Variants in MYO3B observed in about 807,000 individuals in gnomAD.
The protein encoded by MYO3B is myosin IIIB, also known as myosin-IIIb.
Under a neutral mutation model 174.6 loss-of-function variants are expected in MYO3B, and 156 were observed. That is an observed-to-expected ratio of 0.89 (90% CI 0.78 to 1.02). MYO3B has a LOEUF of 1.02. Among genes scored for constraint, MYO3B ranks in the 50% least tolerant of loss-of-function variants. MYO3B has a pLI of 0.00. For synonymous variants in MYO3B, 563 were observed against 569.1 expected (o/e 0.99, Z 0.15); for missense variants, 1,632 against 1,639.4 (o/e 1.00, Z 0.08).
intron 1 of MYO3B, among the ~76,000 whole-genome samples, chr2:170,194,910 A>T (rs2092581777): frequency 1.3e-5 from 2 of 152,110 alleles, no homozygotes; most frequent in African/African-American, 4.8e-5. Context: ...AAGCTGAAGA[A>T]CTTGGAGTCT....
At chr2:170,625,799 A>G (rs1450340639) in intron 32 of MYO3B, among the ~76,000 whole-genome samples, 1 of 152,112 alleles carries the variant, frequency 6.6e-6, no homozygotes, top group Admixed American at 6.5e-5. Context: ...TTCTGCCTTC[A>G]TTTCGTTATG....
chr2:170,415,370 A>G (rs771939651), intron 22 of MYO3B, among the ~76,000 whole-genome samples: 9 of 152,204 alleles, frequency 5.9e-5, no homozygotes, highest in Non-Finnish European at 1.2e-4. Context: ...AACATTTTAT[A>G]TCCACATTCC....
chr2:170,635,469 G>C (rs568959825), intron 32 of MYO3B, among the ~76,000 whole-genome samples: 1 of 152,100 alleles, frequency 6.6e-6, no homozygotes, highest in Non-Finnish European at 1.5e-5. Context: ...GTCGTGGGGT[G>C]GGGGGAGCGG....
intron 32 of MYO3B, among the ~76,000 whole-genome samples, chr2:170,620,649 CA>C: frequency 6.6e-6 from 1 of 152,200 alleles, no homozygotes; most frequent in African/African-American, 2.4e-5. Context: ...CCCTTGTCCC[CA>C]AATCCCATGG....
intron 33 of MYO3B, 138 bp from the exon 34 acceptor site, chr2:170,651,970 G>A (rs1252993969): frequency 2.5e-6 from 2 of 811,336 alleles, no homozygotes; most frequent in South Asian, 1.6e-5. Context: ...GCTCACTTGA[G>A]CCCTTTGATC....
intron 7 of MYO3B, among the ~76,000 whole-genome samples, chr2:170,304,046 T>G (rs1023481785): frequency 6.6e-6 from 1 of 152,174 alleles, no homozygotes; most frequent in African/African-American, 2.4e-5. Flanking sequence ...TTTGGTTCTT[T>G]CCCTTTTTCG....
chr2:170,519,306 A>G, intron 29 of MYO3B, 132 bp from the exon 30 acceptor site: 1 of 616,658 alleles, frequency 1.6e-6, no homozygotes, highest in East Asian at 2.9e-5. Context: ...TATCCTAGAA[A>G]AAAAACCTAT....
chr2:170,192,030 G>A (rs975105849), intron 1 of MYO3B, among the ~76,000 whole-genome samples: 9 of 152,008 alleles, frequency 5.9e-5, no homozygotes, highest in Admixed American at 2.6e-4. Flanking sequence ...TCATGTTTTT[G>A]TAGGAATATT....
At chr2:170,367,292 TTA>T (rs1451893216) in intron 8 of MYO3B, among the ~76,000 whole-genome samples, 2 of 152,346 alleles carry the variant, frequency 1.3e-5, no homozygotes, top group Non-Finnish European at 2.9e-5. Flanking sequence ...GGGATGAATA[TTA>T]TGTGAGGAAA....
At chr2:170,269,297 C>T (rs1321183918) in intron 7 of MYO3B, among the ~76,000 whole-genome samples, 1 of 152,100 alleles carries the variant, frequency 6.6e-6, no homozygotes, top group African/African-American at 2.4e-5. Context: ...TATTGGTCAC[C>T]AAAGTGGCAT....
chr2:170,290,292 A>G (rs915406244), intron 7 of MYO3B, among the ~76,000 whole-genome samples: 1 of 152,056 alleles, frequency 6.6e-6, no homozygotes. Flanking sequence ...GTTCCCTACC[A>G]TTATTGTACT....
chr2:170,379,192 CAATT>C (rs1558941022), intron 9 of MYO3B, among the ~76,000 whole-genome samples: 1 of 94,036 alleles, frequency 1.1e-5, no homozygotes, highest in Non-Finnish European at 2.0e-5. Flanking sequence ...AAATGTGGTA[CAATT>C]TTTTTTTTTT....
intron 32 of MYO3B, among the ~76,000 whole-genome samples, chr2:170,605,625 G>A (rs1057390826): frequency 2.0e-5 from 3 of 152,142 alleles, no homozygotes; most frequent in Admixed American, 6.5e-5. Context: ...TGGGAGGCGA[G>A]GTGGGTGGAT....
chr2:170,328,804 C>T (rs572723773), intron 7 of MYO3B, among the ~76,000 whole-genome samples: 49 of 152,018 alleles, frequency 3.2e-4, no homozygotes, highest in African/African-American at 1.2e-3. Context: ...AAATAAGTAC[C>T]AGGACATTTT....
At chr2:170,264,474 G>T (rs1387031261) in intron 7 of MYO3B, among the ~76,000 whole-genome samples, 1 of 152,196 alleles carries the variant, frequency 6.6e-6, no homozygotes, top group African/African-American at 2.4e-5. Context: ...AAATCACAGG[G>T]CCAGCCCGGT....
chr2:170,383,832 T>G lies in MYO3B; in HGVS notation c.1290+18T>G, dbSNP rs2094353882. 6.3e-7 allele frequency: 1 copy of G among 1,582,272 alleles called. No individual in the cohort carries two copies. Among genetic ancestry groups the G allele is most frequent in the East Asian group, 2.2e-5 (1 of 44,738 alleles). The stretch of plus-strand genomic sequence containing the variant: ...AAGACCAGGTAAGAACTCACCTTCC[T>G]TTCCTACGGAGTCACCCAGTTAAGA... On this transcript the variant is annotated intron_variant, in intron 12 of 34. Transcript: ENST00000408978.
At chr2:170,396,825 AAGAG>A (rs142722088) in intron 16 of MYO3B, among the ~76,000 whole-genome samples, 25 of 150,900 alleles carry the variant, frequency 1.7e-4, no homozygotes, top group Non-Finnish European at 3.6e-4. Flanking sequence ...TACATGAAGA[AAGAG>A]AGAGAGAGAG....
intron 23 of MYO3B, among the ~76,000 whole-genome samples, chr2:170,449,553 G>A (rs1288028133): frequency 4.6e-5 from 7 of 152,088 alleles, no homozygotes; most frequent in Admixed American, 1.3e-4. Context: ...TGAGGTGGGC[G>A]GATCACCTGA....
At position 170,561,103 on chromosome 2, in the gene MYO3B, C is replaced by A. The variant is rs142452926; in HGVS notation, c.3733+17115C>A. On this transcript the variant is annotated intron_variant, in intron 32 of 34. Coordinates refer to ENST00000408978, the MANE Select transcript of MYO3B (RefSeq NM_138995.5). ...TGCTGCTTATTCTTTGCCCTAGACC[C>A]ACATTCTCATATTCAGTCCATTAAT... 2.1e-3 allele frequency among the ~76,000 whole-genome samples: 313 copies of A among 152,298 alleles called. 3 individuals carry two copies. Among genetic ancestry groups the A allele is most frequent in the African/African-American group, 6.9e-3 (285 of 41,552 alleles).
Sources: gnomAD v4.1 joint callset for allele counts (sites outside exome capture counted in the v4.1 genomes callset) on GRCh38, gnomAD v4.1.1 for gene constraint, MANE v1.5 for transcripts, NCBI Gene and HGNC (gene_info 2026-07-23, HGNC 2026-07-21) for gene names.